The following RPA3 variants were observed in gnomAD, a reference collection of about 807,000 sequenced individuals.
The protein encoded by RPA3 is replication protein A3.
Under a neutral mutation model 13.7 loss-of-function variants are expected in RPA3, and 24 were observed. That is an observed-to-expected ratio of 1.75 (90% CI 1.27 to 2.46). RPA3 has a LOEUF of 2.46. Among genes scored for constraint, RPA3 ranks in the 30% most tolerant of loss-of-function variants. The pLI is 0.00. For missense variants in RPA3, 183 were observed against 151.0 expected, an observed-to-expected ratio of 1.21 and a Z score of -1.11; for synonymous variants, 59 against 51.2, an observed-to-expected ratio of 1.15 and a Z score of -0.65.
At chr7:7,648,310 A>G (rs959302545) in intron 4 of RPA3, among the ~76,000 whole-genome samples, 1 of 152,234 alleles carries the variant, frequency 6.6e-6, no homozygotes, top group Non-Finnish European at 1.5e-5. Flanking sequence ...AGTTTTCTCC[A>G]GTAAACCATA....
chr7:7,665,318 G>A (rs1051823390), intron 4 of RPA3, among the ~76,000 whole-genome samples: 3 of 152,098 alleles, frequency 2.0e-5, no homozygotes, highest in Non-Finnish European at 4.4e-5. Context: ...CCTTTTATAC[G>A]CAGTCTGTGT....
At chr7:7,660,170 C>A (rs1785438894) in intron 4 of RPA3, among the ~76,000 whole-genome samples, 1 of 152,074 alleles carries the variant, frequency 6.6e-6, no homozygotes, top group Non-Finnish European at 1.5e-5. Flanking sequence ...TTCTTTCATC[C>A]CTTTATTTTG....
At position 7,640,876 on chromosome 7, in the gene RPA3, GAAC is replaced by G. The variant is rs1784953813; in HGVS notation, c.-461_-459del. The stretch of plus-strand genomic sequence containing the variant: ...CTTACTGTTTCCCCATTCTTCCCGC[GAAC>G]AGAGTCAAAAGAGCTAGGCGGGAGT... On this transcript the variant is annotated 5_prime_UTR_variant, in exon 5 of 8. Transcript: ENST00000223129. 1 of 179,686 alleles carries G rather than the reference GAAC, an allele frequency of 5.6e-6. No individual in the cohort carries two copies. Among genetic ancestry groups the G allele is most frequent in the South Asian group, 9.0e-5 (1 of 11,120 alleles). The allele number at this position is 179,686 out of a possible 1,614,324, so 11.1% of individuals were successfully genotyped here. A position where few individuals can be genotyped will look rare whatever the true frequency, so the allele number is the denominator to read the frequency against.
chr7:7,718,237 G>C (rs1780966204), intron 1 of RPA3, among the ~76,000 whole-genome samples: 1 of 151,920 alleles, frequency 6.6e-6, no homozygotes, highest in Non-Finnish European at 1.5e-5. Context: ...TATCCCCAAG[G>C]GTATTTTGAA....
chr7:7,710,503 G>A (rs1780727829), intron 2 of RPA3, among the ~76,000 whole-genome samples: 1 of 152,162 alleles, frequency 6.6e-6, no homozygotes, highest in Non-Finnish European at 1.5e-5. Context: ...AAACCATAAT[G>A]ATAGGTCTCT....
In RPA3 at chr7:7,704,580, C is replaced by T. The variant is rs532798093; in HGVS notation, c.-1028+10595G>A. 3.9e-3 allele frequency among the ~76,000 whole-genome samples: 566 copies of T among 145,704 alleles called. 5 individuals carry two copies. The highest frequency in any genetic ancestry group is 0.014 in the African/African-American group (547 of 38,884). ...ACTAGCCTGGCCAATATGGTGAAAC[C>T]CTGTCTCTACTAAAATAGAAAAAAA... On this transcript the variant is annotated intron_variant, in intron 2 of 7. Transcript: ENST00000223129.
At position 7,665,374 on chromosome 7, in the gene RPA3, T is replaced by G. The variant is rs1779417688; in HGVS notation, c.-758+20456A>C. Among the ~76,000 whole-genome samples, 3 of 152,202 alleles carry G rather than the reference T, an allele frequency of 2.0e-5. No individual in the cohort carries two copies. The South Asian group carries it at 6.2e-4, about 31-fold the overall frequency. On this transcript the variant is annotated intron_variant, in intron 4 of 7. Transcript: ENST00000223129. ...AGTGTCCTTTTATTTTCTAGTTTTG[T>G]GTGATGCATGCAGAAAAGAAACATT...
intron 6 of RPA3, chr7:7,638,839 A>G (rs1784905600): frequency 2.6e-6 from 1 of 378,066 alleles, no homozygotes; most frequent in Non-Finnish European, 4.7e-6. Context: ...ATTGTTATCC[A>G]ACATTTATGG....
At chr7:7,682,668 C>T (rs1466158780) in intron 4 of RPA3, among the ~76,000 whole-genome samples, 1 of 152,094 alleles carries the variant, frequency 6.6e-6, no homozygotes, top group Non-Finnish European at 1.5e-5. Context: ...AAATGTATAC[C>T]AGATCTTTAA....
chr7:7,705,140 T>C (rs1387532343), intron 2 of RPA3, among the ~76,000 whole-genome samples: 1 of 152,186 alleles, frequency 6.6e-6, no homozygotes, highest in Non-Finnish European at 1.5e-5. Context: ...TTTGAACTTT[T>C]TATGCAATGA....
intron 4 of RPA3, among the ~76,000 whole-genome samples, chr7:7,652,269 T>C (rs897289679): frequency 6.6e-6 from 1 of 152,230 alleles, no homozygotes; most frequent in Admixed American, 6.5e-5. Flanking sequence ...AGCAGTATAC[T>C]CTTGGTCGAT....
intron 1 of RPA3, among the ~76,000 whole-genome samples, chr7:7,716,394 A>G (rs1225950535): frequency 6.6e-6 from 1 of 152,232 alleles, no homozygotes; most frequent in Non-Finnish European, 1.5e-5. Context: ...TTTTAAATAA[A>G]AAGCAGCCCC....
At chr7:7,646,735 G>A (rs1049648269) in intron 4 of RPA3, among the ~76,000 whole-genome samples, 1 of 151,930 alleles carries the variant, frequency 6.6e-6, no homozygotes, top group African/African-American at 2.4e-5. Context: ...CTGTCCCATG[G>A]CCAATCTCCT....
chr7:7,715,854 T>C (rs1454544321), intron 1 of RPA3, among the ~76,000 whole-genome samples: 2 of 152,178 alleles, frequency 1.3e-5, no homozygotes, highest in Non-Finnish European at 2.9e-5. Flanking sequence ...ATTTAAAAAA[T>C]AGTATCGTGA....
intron 5 of RPA3, among the ~76,000 whole-genome samples, chr7:7,639,696 C>T (rs1006108606): frequency 6.6e-6 from 1 of 152,206 alleles, no homozygotes; most frequent in Admixed American, 6.5e-5. Flanking sequence ...GTCAGAGCAA[C>T]ACTCATTTAA....
intron 4 of RPA3, among the ~76,000 whole-genome samples, chr7:7,660,096 T>C (rs1033544036): frequency 6.6e-6 from 1 of 152,232 alleles, no homozygotes; most frequent in Non-Finnish European, 1.5e-5. Flanking sequence ...GTTTAAAGTC[T>C]GTTTTATCAG....
intron 4 of RPA3, among the ~76,000 whole-genome samples, chr7:7,647,151 A>T (rs1310100319): frequency 6.6e-6 from 1 of 152,170 alleles, no homozygotes; most frequent in Non-Finnish European, 1.5e-5. Context: ...GTTATCTTTG[A>T]CTAGAGCTTT....
chr7:7,715,904 C>G (rs915128943), intron 1 of RPA3, among the ~76,000 whole-genome samples: 2 of 152,156 alleles, frequency 1.3e-5, no homozygotes, highest in Non-Finnish European at 2.9e-5. Flanking sequence ...ATTTACTAAA[C>G]TTTGGTGAAA....
intron 7 of RPA3, 131 bp downstream of exon 7, chr7:7,637,732 TA>T (rs1784887827): frequency 8.2e-6 from 4 of 487,196 alleles, no homozygotes; most frequent in African/African-American, 7.7e-5. Context: ...TACATACAGT[TA>T]TATAAAACTG....
Sources: allele counts gnomAD v4.1 joint callset (sites outside exome capture counted in the v4.1 genomes callset), GRCh38; gene constraint gnomAD v4.1.1; transcripts MANE v1.5; gene names NCBI Gene and HGNC (gene_info 2026-07-23, HGNC 2026-07-21).